The following TCF20 variants were observed in gnomAD, a reference collection of about 807,000 sequenced individuals.
TCF20 encodes transcription factor 20, also known as SPRE-binding protein.
Under a neutral mutation model 148.6 loss-of-function variants are expected in TCF20, and 3 were observed. The ratio of observed to expected loss-of-function variants is 0.02; its 90% CI spans 0.01 to 0.05. The LOEUF (loss-of-function observed/expected upper bound fraction) is 0.05, where lower values mean the gene tolerates loss of function less well. Among genes scored for constraint, TCF20 ranks in the 10% least tolerant of loss-of-function variants. The pLI is 1.00. For synonymous variants in TCF20, 1,049 were observed against 909.5 expected, an observed-to-expected ratio of 1.15 and a Z score of -2.76; for missense variants, 2,350 against 2,429.3, an observed-to-expected ratio of 0.97 and a Z score of 0.69.
At chr22:42,182,712 AG>A (rs1454675885) in intron 2 of TCF20, among the ~76,000 whole-genome samples, 1 of 152,238 alleles carries the variant, frequency 6.6e-6, no homozygotes, top group Non-Finnish European at 1.5e-5. Context: ...AGCAACACTC[AG>A]GGACTTGTCA....
chr22:42,175,288 C>G (rs1936384465), intron 3 of TCF20, among the ~76,000 whole-genome samples: 1 of 152,152 alleles, frequency 6.6e-6, no homozygotes, highest in Admixed American at 6.5e-5. Flanking sequence ...GCCTCAGCCT[C>G]CCGAGTACCT....
intron 1 of TCF20, among the ~76,000 whole-genome samples, chr22:42,311,545 G>A (rs1167734296): frequency 6.6e-6 from 1 of 152,182 alleles, no homozygotes; most frequent in Non-Finnish European, 1.5e-5. Context: ...TGCCCTGCAG[G>A]GGCCACACCA....
intron 1 of TCF20, among the ~76,000 whole-genome samples, chr22:42,326,341 G>A (rs143644617): frequency 3.6e-3 from 546 of 152,162 alleles, no homozygotes; most frequent in Middle Eastern, 6.8e-3. Context: ...CCTCTCCAGG[G>A]TCACCCTGGA....
chr22:42,336,109 G>A (rs1928063026), intron 1 of TCF20, among the ~76,000 whole-genome samples: 1 of 152,222 alleles, frequency 6.6e-6, no homozygotes, highest in Non-Finnish European at 1.5e-5. Context: ...CAGGTTGGGT[G>A]AACTCCTCAT....
intron 1 of TCF20, among the ~76,000 whole-genome samples, chr22:42,310,753 T>A (rs1461207297): frequency 6.6e-6 from 1 of 152,008 alleles, no homozygotes; most frequent in African/African-American, 2.4e-5. Flanking sequence ...GTCTGGAAAG[T>A]TGCAAATTCC....
chr22:42,270,725 C>T (rs1171942451), upstream of TCF20, among the ~76,000 whole-genome samples: 1 of 135,904 alleles, frequency 7.4e-6, no homozygotes, highest in Non-Finnish European at 1.6e-5. Flanking sequence ...CGGGAGGGCG[C>T]GCGGCGGGGC....
Position 42,213,714 on chromosome 22 carries a change from C to T in TCF20, c.1592G>A (p.Gly531Asp), listed in dbSNP as rs1474988454. The T allele has an allele frequency of 5.0e-6, 8 of 1,614,032 alleles. No homozygotes were observed. Among genetic ancestry groups the T allele is most frequent in the Non-Finnish European group, 6.8e-6 (8 of 1,179,922 alleles). The change falls in exon 2 of 6, where the codon GGC (glycine) becomes GAC (aspartate). Residue 531 changes from glycine to aspartate, a missense_variant. Around this residue, in one of 7 missense-constraint regions of TCF20, gnomAD observed 1,641 missense variants for 1,662.6 expected, o/e 0.99. Transcript: ENST00000677622. ...GGCSSSSEDQ[G>D]ERVRQLSGQS... ...GCCACTTAGTTGCCGCACTCTCTCG[C>T]CTTGATCCTCTGAACTGCTGGAGCA...
chr22:42,284,123 A>C (rs925169236), upstream of TCF20, among the ~76,000 whole-genome samples: 2 of 151,238 alleles, frequency 1.3e-5, no homozygotes, highest in Non-Finnish European at 3.0e-5. Flanking sequence ...GGGAGGAGGG[A>C]TGGATGGATG....
chr22:42,214,961 C>T lies in TCF20; in HGVS notation c.345G>A (p.Val115=). 2 of 1,614,240 alleles carry T rather than the reference C, an allele frequency of 1.2e-6. No homozygotes were observed. Among genetic ancestry groups the T allele is most frequent in the Non-Finnish European group, 1.7e-6 (2 of 1,180,048 alleles). Residue 115 remains valine, a synonymous_variant, in exon 2 of 6, where the codon GTG becomes GTA. Transcript: ENST00000677622. ...TCCCCTGGGGGGGTCCATAGCTCTG[C>T]ACAGGCCCAGAAGGCCTTCGCTGAG... ...QPPQRRPSGP[V]QSYGPPQGSS... is the part of the protein sequence containing the mutation.
chr22:42,190,191 GC>G (rs1569121953), intron 2 of TCF20, among the ~76,000 whole-genome samples: 1 of 152,234 alleles, frequency 6.6e-6, no homozygotes, highest in African/African-American at 2.4e-5. Flanking sequence ...AAGTAAGGTG[GC>G]CCATGTCTGT....
At chr22:42,195,627 G>A (rs571245444) in intron 2 of TCF20, among the ~76,000 whole-genome samples, 1 of 151,490 alleles carries the variant, frequency 6.6e-6, no homozygotes, top group African/African-American at 2.4e-5. Context: ...AGCCTCCCCA[G>A]CAGTTGGGAT....
chr22:42,228,669 A>G (rs1055687126), intron 1 of TCF20, among the ~76,000 whole-genome samples: 6 of 152,258 alleles, frequency 3.9e-5, no homozygotes, highest in African/African-American at 1.2e-4. Context: ...CGCGATTCCC[A>G]TTGCACATCC....
chr22:42,223,741 G>A (rs989957863), intron 1 of TCF20, among the ~76,000 whole-genome samples: 5 of 152,198 alleles, frequency 3.3e-5, no homozygotes, highest in African/African-American at 1.2e-4. Flanking sequence ...CTTGTACCTA[G>A]ATATATCTGT....
At chr22:42,280,299 T>A (rs1211469376) in intron 1 of TCF20, among the ~76,000 whole-genome samples, 1 of 151,968 alleles carries the variant, frequency 6.6e-6, no homozygotes, top group East Asian at 1.9e-4. Flanking sequence ...CACAACTCGC[T>A]CAAGGCCCCA....
intron 1 of TCF20, among the ~76,000 whole-genome samples, chr22:42,335,301 C>A (rs1928047138): frequency 6.6e-6 from 1 of 152,192 alleles, no homozygotes; most frequent in Non-Finnish European, 1.5e-5. Context: ...TCTATCAGCA[C>A]CCCCTGCACC....
intron 1 of TCF20, among the ~76,000 whole-genome samples, chr22:42,293,045 C>T (rs533813741): frequency 3.3e-4 from 50 of 152,184 alleles, no homozygotes; most frequent in African/African-American, 1.2e-3. Flanking sequence ...TACAAAGCCC[C>T]GGGGCCAGCT....
Position 42,270,610 on chromosome 22 carries a change from C to T in TCF20, c.-308G>A, listed in dbSNP as rs1208658596. ...CTCGCAGGGGCCGAAAGCGGCTGGG[C>T]TCGGGGTTTTTTCTCTCCATTCTCC... is the stretch of plus-strand genomic sequence containing the variant. On this transcript the variant is annotated 5_prime_UTR_variant, in exon 1 of 6. Transcript: ENST00000677622. Among the ~76,000 whole-genome samples the T allele has an allele frequency of 1.4e-5, 2 of 145,456 alleles. No homozygotes were observed. Among genetic ancestry groups the T allele is most frequent in the Admixed American group, 1.4e-4 (2 of 14,718 alleles).
intron 2 of TCF20, among the ~76,000 whole-genome samples, chr22:42,181,080 C>T (rs1437098467): frequency 1.3e-5 from 2 of 152,236 alleles, no homozygotes; most frequent in African/African-American, 4.8e-5. Context: ...TAGACTCTGT[C>T]GACCTTTGTC....
At chr22:42,323,348 G>T (rs1927769907) in intron 1 of TCF20, among the ~76,000 whole-genome samples, 2 of 151,784 alleles carry the variant, frequency 1.3e-5, no homozygotes. Flanking sequence ...GGCAGCCAGG[G>T]CCAGCATGGA....
Sources: gnomAD v4.1 joint callset for allele counts (sites outside exome capture counted in the v4.1 genomes callset) on GRCh38, gnomAD v4.1.1 for gene constraint, gnomAD v4.1.1 regional missense constraint, MANE v1.5 for transcripts, NCBI Gene and HGNC (gene_info 2026-07-23, HGNC 2026-07-21) for gene names.